RUNX1: variants seen among roughly 807,000 people sequenced by gnomAD.
RUNX1 encodes RUNX family transcription factor 1, also known as runt-related transcription factor 1.
RUNX1 carries 19 observed loss-of-function variants against 42.8 expected under a neutral mutation model. The ratio of observed to expected loss-of-function variants is 0.44; its 90% CI spans 0.31 to 0.65. The LOEUF (loss-of-function observed/expected upper bound fraction) is 0.65, where lower values mean the gene tolerates loss of function less well. Among genes scored for constraint, RUNX1 ranks in the 30% least tolerant of loss-of-function variants. RUNX1 has a pLI of 0.07. For missense variants in RUNX1, 528 were observed against 672.0 expected (o/e 0.79, Z 2.37); for synonymous variants, 271 against 289.4 (o/e 0.94, Z 0.64).
At chr21:34,811,719 T>C (rs1232610716) in intron 7 of RUNX1, among the ~76,000 whole-genome samples, 1 of 152,186 alleles carries the variant, frequency 6.6e-6, no homozygotes, top group African/African-American at 2.4e-5. Context: ...GTATATTTTC[T>C]TCACACTAGG....
chr21:34,930,348 A>T (rs191307604), intron 2 of RUNX1, among the ~76,000 whole-genome samples: 189 of 149,318 alleles, frequency 1.3e-3, no homozygotes, highest in Non-Finnish European at 1.4e-3. Flanking sequence ...ATGAACCTAG[A>T]CTCTGGTTCT....
At chr21:34,991,502 T>C (rs1049195688) in intron 2 of RUNX1, among the ~76,000 whole-genome samples, 3 of 152,130 alleles carry the variant, frequency 2.0e-5, no homozygotes, top group African/African-American at 7.2e-5. Flanking sequence ...CCAAACTGCA[T>C]AGCTATCACT....
intron 2 of RUNX1, among the ~76,000 whole-genome samples, chr21:34,983,052 G>A (rs1380573260): frequency 4.6e-5 from 7 of 152,098 alleles, no homozygotes; most frequent in African/African-American, 1.7e-4. Flanking sequence ...CATCCTTTTT[G>A]GTTCTTTCTC....
chr21:34,828,189 A>T (rs1258458780), intron 7 of RUNX1, among the ~76,000 whole-genome samples: 2 of 152,228 alleles, frequency 1.3e-5, no homozygotes, highest in Non-Finnish European at 2.9e-5. Flanking sequence ...TTGTATCCAG[A>T]AGGCAGAACA....
chr21:35,047,598 C>CTG (rs1601710945), intron 2 of RUNX1, among the ~76,000 whole-genome samples: 1 of 141,172 alleles, frequency 7.1e-6, no homozygotes, highest in Non-Finnish European at 1.5e-5. Flanking sequence ...CTCTCTCTCT[C>CTG]ATCAAGTTTT....
intron 2 of RUNX1, among the ~76,000 whole-genome samples, chr21:34,968,548 A>G (rs1240804662): frequency 6.6e-6 from 1 of 152,114 alleles, no homozygotes; most frequent in Admixed American, 6.6e-5. Context: ...CTTCTTATTC[A>G]AGACTAAGAC....
intron 2 of RUNX1, among the ~76,000 whole-genome samples, chr21:35,005,077 AG>A (rs2059074101): frequency 6.6e-6 from 1 of 152,188 alleles, no homozygotes; most frequent in East Asian, 1.9e-4. Context: ...TTGTTGAAAG[AG>A]AAGGCATAGG....
intron 3 of RUNX1, chr21:34,888,562 G>A (rs1289076558): frequency 1.9e-6 from 2 of 1,063,192 alleles, no homozygotes; most frequent in Non-Finnish European, 2.3e-6. Context: ...AGCAGCAGAG[G>A]TTGACTTCCT....
rs148876736 is a variant in RUNX1, at chr21:34,947,235, A to G, written c.59-54272T>C. Among the ~76,000 whole-genome samples, 7 of 152,346 alleles carry G rather than the reference A, an allele frequency of 4.6e-5. No individual in the cohort carries two copies. In the East Asian group the frequency reaches 1.4e-3, roughly 29 times the overall value. On this transcript the variant is annotated intron_variant, in intron 2 of 8. Transcript: ENST00000675419. ...TGTGTTCATAGCTGGAATTTAATAC[A>G]TGTTAGTTGAATAAACATTGAAGGA...
chr21:35,049,069 T>A, intron 1 of RUNX1, 99 bp downstream of exon 1: 1 of 627,916 alleles, frequency 1.6e-6, no homozygotes, highest in Non-Finnish European at 2.9e-6. Context: ...CAAGCCCTAT[T>A]AAAAAATGCA....
chr21:34,955,376 A>G (rs1244658052), intron 2 of RUNX1, among the ~76,000 whole-genome samples: 1 of 152,152 alleles, frequency 6.6e-6, no homozygotes, highest in Non-Finnish European at 1.5e-5. Flanking sequence ...TGCTCCATAT[A>G]TGGAAGCAAT....
chr21:34,914,256 C>A (rs1189840552), intron 2 of RUNX1, among the ~76,000 whole-genome samples: 1 of 152,126 alleles, frequency 6.6e-6, no homozygotes, highest in Non-Finnish European at 1.5e-5. Flanking sequence ...GAATTATACA[C>A]AGGGAGGATT....
At chr21:35,011,067 CAG>C (rs1569150057) in intron 2 of RUNX1, among the ~76,000 whole-genome samples, 1 of 152,050 alleles carries the variant, frequency 6.6e-6, no homozygotes, top group Non-Finnish European at 1.5e-5. Context: ...CTTTTGTTTC[CAG>C]AGTCGATTTG....
At chr21:34,862,071 CATTGTCCCAGTCCTGAGTA>C (rs1446907492) in intron 5 of RUNX1, among the ~76,000 whole-genome samples, 1 of 151,320 alleles carries the variant, frequency 6.6e-6, no homozygotes, top group Non-Finnish European at 1.5e-5. Context: ...TAGATAATGC[CATTGTCCCAGTCCTGAGTA>C]GGTCTAGGGG....
intron 2 of RUNX1, chr21:35,038,326 C>T (rs2059325327): frequency 5.4e-5 from 18 of 330,368 alleles, no homozygotes; most frequent in South Asian, 4.0e-4. Context: ...AAAGGCAACT[C>T]GTAGAAGAAG....
chr21:34,931,461 ATATAT>A (rs1339637892), intron 2 of RUNX1, among the ~76,000 whole-genome samples: 10 of 146,104 alleles, frequency 6.8e-5, no homozygotes, highest in East Asian at 5.8e-4. Flanking sequence ...TATATAATGT[ATATAT>A]TATATTATAT....
In RUNX1 at chr21:34,792,091, G is replaced by A; in HGVS notation, c.*44C>T. The A allele has an allele frequency of 8.0e-7, 1 of 1,255,154 alleles. No homozygotes were observed. Among genetic ancestry groups the A allele is most frequent in the Non-Finnish European group, 1.0e-6 (1 of 982,120 alleles). 77.8% of individuals were successfully genotyped at this position (1,255,154 alleles called of 1,614,324 possible). Reference sequence around the variant, plus strand: ...ACAGGAGGCCCGCGCGCCCGGAGGCGAAGGCGGCGGCCCGCGGGGCCCAGC... The same window carrying A: ...ACAGGAGGCCCGCGCGCCCGGAGGCAAAGGCGGCGGCCCGCGGGGCCCAGC... On this transcript the variant is annotated 3_prime_UTR_variant, in exon 9 of 9. Transcript: ENST00000675419. This position sits in a 1 kb window ranked among gnomAD's most constrained non-coding sequence, Gnocchi z 6.9.
At chr21:34,898,890 G>C (rs78940476) in intron 2 of RUNX1, among the ~76,000 whole-genome samples, 3,066 of 152,252 alleles carry the variant, frequency 0.02, 59 homozygotes, top group Middle Eastern at 0.11. Flanking sequence ...CTCAGAGTTG[G>C]AGGATCCAGT....
At chr21:34,974,468 T>G (rs896488273) in intron 2 of RUNX1, among the ~76,000 whole-genome samples, 1 of 152,046 alleles carries the variant, frequency 6.6e-6, no homozygotes, top group Non-Finnish European at 1.5e-5. Flanking sequence ...TTCAGCCAAG[T>G]TTTGACTTGA....
Sources: allele counts gnomAD v4.1 joint callset (sites outside exome capture counted in the v4.1 genomes callset), GRCh38; gene constraint gnomAD v4.1.1; non-coding constraint Gnocchi (gnomAD v3.1); transcripts MANE v1.5; gene names NCBI Gene and HGNC (gene_info 2026-07-23, HGNC 2026-07-21).